Variants in IL21R observed in about 807,000 individuals in gnomAD.
IL21R encodes interleukin 21 receptor.
A neutral mutation model predicts 41.3 loss-of-function variants in IL21R; 14 were observed. The ratio of observed to expected loss-of-function variants is 0.34; its 90% CI spans 0.22 to 0.53. IL21R has a LOEUF of 0.53. Ranked by LOEUF, IL21R falls within the 20% of genes least tolerant of loss-of-function variation. The pLI is 0.94. For synonymous variants in IL21R, 286 were observed against 287.6 expected, an observed-to-expected ratio of 0.99 and a Z score of 0.05; for missense variants, 588 against 681.6, an observed-to-expected ratio of 0.86 and a Z score of 1.53.
At chr16:27,416,055 G>A (rs917040736) in intron 1 of IL21R, among the ~76,000 whole-genome samples, 9 of 152,058 alleles carry the variant, frequency 5.9e-5, no homozygotes, top group African/African-American at 1.9e-4. Context: ...TTTCATGGTC[G>A]TGTATTTTAA....
intron 1 of IL21R, among the ~76,000 whole-genome samples, chr16:27,405,229 C>T (rs565066344): frequency 2.6e-3 from 399 of 152,066 alleles, no homozygotes; most frequent in African/African-American, 9.1e-3. Context: ...GGCGGGGTTT[C>T]ACCATGTTGG....
intron 1 of IL21R, among the ~76,000 whole-genome samples, chr16:27,406,405 T>TG (rs1223021994): frequency 8.9e-6 from 1 of 112,752 alleles, no homozygotes; most frequent in Non-Finnish European, 1.8e-5. Flanking sequence ...GGGTGGGGAG[T>TG]GGGGGGTGCG....
In IL21R at chr16:27,440,280, GCGAGCA is replaced by G. The variant is rs1360075932; in HGVS notation, c.352+2594_352+2599del. On this transcript the variant is annotated intron_variant, in intron 4 of 8. Coordinates refer to ENST00000337929, the MANE Select transcript of IL21R (RefSeq NM_181078.3). ...AGAGAGAGAGAGAGAGAGAGAGAGA[GCGAGCA>G]AGCGCGCGCCAGGGTGTAGCTTTGT... 5.6e-3 allele frequency among the ~76,000 whole-genome samples: 717 copies of G among 128,238 alleles called. 11 individuals are homozygous for G. The highest frequency in any genetic ancestry group is 7.5e-3 in the Non-Finnish European group (462 of 61,334). 84.1% of individuals were successfully genotyped at this position (128,238 alleles called of 152,430 possible).
chr16:27,416,071 C>T (rs774600567), intron 1 of IL21R, among the ~76,000 whole-genome samples: 1 of 152,146 alleles, frequency 6.6e-6, no homozygotes, highest in Non-Finnish European at 1.5e-5. Flanking sequence ...TTTAATTCTG[C>T]ATATAGTTTA....
intron 4 of IL21R, among the ~76,000 whole-genome samples, chr16:27,442,055 G>A (rs1004148204): frequency 6.6e-6 from 1 of 152,146 alleles, no homozygotes; most frequent in Admixed American, 6.5e-5. Flanking sequence ...TAATTCCAGG[G>A]GTCTCCCGTT....
chr16:27,431,379 C>G (rs2087168502), intron 2 of IL21R, among the ~76,000 whole-genome samples: 1 of 152,160 alleles, frequency 6.6e-6, no homozygotes, highest in Non-Finnish European at 1.5e-5. Context: ...GTCCCAACAG[C>G]CCCACAAGGC....
intron 1 of IL21R, among the ~76,000 whole-genome samples, chr16:27,406,957 C>T (rs2086757929): frequency 6.6e-6 from 1 of 152,184 alleles, no homozygotes; most frequent in African/African-American, 2.4e-5. Flanking sequence ...CCTGGGCAGC[C>T]CACTGTCCTT....
chr16:27,426,874 A>G (rs145205869), intron 1 of IL21R, among the ~76,000 whole-genome samples: 2 of 152,262 alleles, frequency 1.3e-5, no homozygotes, highest in East Asian at 3.9e-4. Context: ...AGAATTCAAC[A>G]TGATTAAGCA....
intron 1 of IL21R, 83 bp from the exon 2 acceptor site, chr16:27,429,973 T>C (rs2087140813): frequency 2.5e-6 from 3 of 1,216,154 alleles, no homozygotes; most frequent in African/African-American, 1.5e-5. Context: ...GGGGCAAGTC[T>C]GCCTGGGAAG....
At chr16:27,405,041 A>AT (rs1296358853) in intron 1 of IL21R, among the ~76,000 whole-genome samples, 2,113 of 147,780 alleles carry the variant, frequency 0.014, 35 homozygotes, top group African/African-American at 0.049. Context: ...TTTTTTTTTA[A>AT]TTTTTTTTTG....
intron 1 of IL21R, among the ~76,000 whole-genome samples, chr16:27,429,603 C>A (rs953254728): frequency 6.6e-6 from 1 of 151,582 alleles, no homozygotes; most frequent in Non-Finnish European, 1.5e-5. Flanking sequence ...AAGATGCCGT[C>A]TCTACAAAAA....
chr16:27,432,974 G>A (rs921006043), intron 2 of IL21R, among the ~76,000 whole-genome samples: 6 of 152,138 alleles, frequency 3.9e-5, no homozygotes, highest in Non-Finnish European at 7.3e-5. Flanking sequence ...AGAGACAAGA[G>A]GCATGGTCTA....
chr16:27,406,392 C>T (rs568540545), intron 1 of IL21R, among the ~76,000 whole-genome samples: 55 of 121,852 alleles, frequency 4.5e-4, no homozygotes, highest in South Asian at 1.4e-3. Flanking sequence ...GCACAGGCAG[C>T]GGGGGTGGGG....
chr16:27,414,440 G>C (rs1248104206), intron 1 of IL21R, among the ~76,000 whole-genome samples: 1 of 151,812 alleles, frequency 6.6e-6, no homozygotes, highest in Admixed American at 6.6e-5. Context: ...TATTAGATTT[G>C]ACTTGTTAAT....
intron 1 of IL21R, among the ~76,000 whole-genome samples, chr16:27,423,230 A>G (rs1374124174): frequency 7.3e-6 from 1 of 137,626 alleles, no homozygotes; most frequent in Admixed American, 7.0e-5. Flanking sequence ...TCTCTTGTGC[A>G]GTTTTTTTTT....
rs563340759 is a variant in IL21R at position 27,434,054 on chromosome 16, G to A, written c.50-293G>A. Among the ~76,000 whole-genome samples the A allele has an allele frequency of 2.6e-5, 4 of 152,266 alleles. 1 individual carries two copies. In the South Asian group the frequency reaches 8.3e-4, roughly 32 times the overall value. Reference sequence around the variant, plus strand: ...ACACAGACCTGGTGGCCGGGCGCAGGGCTCTGGAGGAGGGTGCTGAGCTGG... The same window carrying A: ...ACACAGACCTGGTGGCCGGGCGCAGAGCTCTGGAGGAGGGTGCTGAGCTGG... On this transcript the variant is annotated intron_variant, in intron 2 of 8. Coordinates refer to ENST00000337929, the MANE Select transcript of IL21R (RefSeq NM_181078.3).
At position 27,451,678 on chromosome 16, in the gene IL21R, C is replaced by T. The variant is rs929261360; in HGVS notation, c.*2395C>T. ...AGGCTGCAGTGAGCTGTGATTACAC[C>T]GTTGCACTCCAGCCTGGGTCACAGA... On this transcript the variant is annotated 3_prime_UTR_variant, in exon 9 of 9. Transcript: ENST00000337929. The T allele has an allele frequency of 2.7e-5, 6 of 224,732 alleles. No individual in the cohort carries two copies. The highest frequency in any genetic ancestry group is 1.3e-4 in the East Asian group (2 of 15,602). The allele number at this position is 224,732 out of a possible 1,614,324, so 13.9% of individuals were successfully genotyped here.
rs186577090 is a variant in IL21R, at chr16:27,441,501, C to A, written c.353-1461C>A. Among the ~76,000 whole-genome samples, 42 of 152,322 alleles carry A rather than the reference C, an allele frequency of 2.8e-4. No homozygotes were observed. In the East Asian group the frequency reaches 7.5e-3, roughly 27 times the overall value. On this transcript the variant is annotated intron_variant, in intron 4 of 8. Transcript: ENST00000337929. ...CCATCAGATTGGCCTCCCAGGGCCA[C>A]TGTGGGGTGTCAAACTGCCCAGAGC...
At chr16:27,413,160 T>G (rs1178895174) in intron 1 of IL21R, among the ~76,000 whole-genome samples, 1 of 152,164 alleles carries the variant, frequency 6.6e-6, no homozygotes, top group African/African-American at 2.4e-5. Context: ...CTTGAATGTT[T>G]TCTTTATCAT....
Sources: gnomAD v4.1 joint callset for allele counts (sites outside exome capture counted in the v4.1 genomes callset) on GRCh38, gnomAD v4.1.1 for gene constraint, MANE v1.5 for transcripts, NCBI Gene and HGNC (gene_info 2026-07-23, HGNC 2026-07-21) for gene names.